TLN2: variants seen among roughly 807,000 people sequenced by gnomAD.
TLN2 encodes the protein talin-2.
TLN2 carries 118 observed loss-of-function variants against 294.7 expected under a neutral mutation model. The observed-to-expected ratio is 0.40, with a 90% CI of 0.34 to 0.47. The LOEUF (loss-of-function observed/expected upper bound fraction) is 0.47, where lower values mean the gene tolerates loss of function less well. Ranked by LOEUF, TLN2 falls within the 20% of genes least tolerant of loss-of-function variation. TLN2 has a pLI of 0.84. For missense variants in TLN2, 3,083 were observed against 3,282.2 expected (o/e 0.94, Z 1.48); for synonymous variants, 1,431 against 1,304.5 (o/e 1.10, Z -2.09).
chr15:62,487,270 C>T (rs1022221597), intron 1 of TLN2, among the ~76,000 whole-genome samples: 1 of 152,186 alleles, frequency 6.6e-6, no homozygotes, highest in African/African-American at 2.4e-5. Flanking sequence ...CCAGGCTAGT[C>T]AGACCTGCCC....
At chr15:62,457,525 C>G (rs2036553321) in intron 1 of TLN2, among the ~76,000 whole-genome samples, 1 of 152,142 alleles carries the variant, frequency 6.6e-6, no homozygotes, top group Non-Finnish European at 1.5e-5. Flanking sequence ...GAATTGGGCC[C>G]CGTCTTCCTT....
chr15:62,531,333 C>T (rs1422384572), intron 1 of TLN2, among the ~76,000 whole-genome samples: 1 of 152,164 alleles, frequency 6.6e-6, no homozygotes, highest in Non-Finnish European at 1.5e-5. Context: ...AAAACAAGTA[C>T]CATGTGTTCT....
At chr15:62,412,072 A>C (rs1193550704) in intron 1 of TLN2, among the ~76,000 whole-genome samples, 4 of 151,950 alleles carry the variant, frequency 2.6e-5, no homozygotes, top group Non-Finnish European at 5.9e-5. Flanking sequence ...GGGTTAGATC[A>C]TAAGTCTCTT....
At chr15:62,477,938 G>A (rs1213734068) in intron 1 of TLN2, among the ~76,000 whole-genome samples, 2 of 151,712 alleles carry the variant, frequency 1.3e-5, no homozygotes, top group South Asian at 2.1e-4. Context: ...GGAGCGGGGC[G>A]TTGCAGGCTC....
chr15:62,753,922 T>A lies in TLN2; in HGVS notation c.4476+6T>A, dbSNP rs756854742. On this transcript the variant is annotated splice_donor_region_variant and intron_variant, in intron 36 of 58. Transcript: ENST00000636159. Reference sequence around the variant, plus strand: ...CTGGCAGCAGCCCATCACAGGTAACTGTTGGGGAGGATGTAAGATTTCAAG... The same window carrying A: ...CTGGCAGCAGCCCATCACAGGTAACAGTTGGGGAGGATGTAAGATTTCAAG... 2.5e-5 allele frequency: 40 copies of A among 1,582,146 alleles called. No homozygotes were observed. The Admixed American group carries it at 7.3e-4, about 29-fold the overall frequency.
At chr15:62,676,904 C>T (rs903989124) in intron 11 of TLN2, among the ~76,000 whole-genome samples, 42 of 152,162 alleles carry the variant, frequency 2.8e-4, no homozygotes, top group Non-Finnish European at 2.2e-4. Context: ...CGTGAGCCAC[C>T]GCACCCTATC....
intron 41 of TLN2, among the ~76,000 whole-genome samples, chr15:62,767,151 T>C (rs2063058782): frequency 6.6e-6 from 1 of 152,212 alleles, no homozygotes; most frequent in South Asian, 2.1e-4. Flanking sequence ...AGCCAAAATC[T>C]TCTTGGCAGG....
intron 1 of TLN2, among the ~76,000 whole-genome samples, chr15:62,578,343 C>G (rs1184906559): frequency 2.0e-5 from 3 of 152,000 alleles, no homozygotes; most frequent in Non-Finnish European, 2.9e-5. Context: ...GAGGTGGGCA[C>G]ATCACCTGAG....
chr15:62,639,955 T>C (rs1475157458), intron 3 of TLN2, among the ~76,000 whole-genome samples: 1 of 152,214 alleles, frequency 6.6e-6, no homozygotes, highest in Non-Finnish European at 1.5e-5. Flanking sequence ...AGTGAAGGCA[T>C]GACTTGACTT....
chr15:62,841,371 C>T lies in TLN2; in HGVS notation c.*761C>T, dbSNP rs2070681015. 2 of 152,252 alleles carry T rather than the reference C, an allele frequency of 1.3e-5. No individual in the cohort carries two copies. The highest frequency in any genetic ancestry group is 1.3e-4 in the Admixed American group (2 of 15,282). 9.4% of individuals were successfully genotyped at this position (152,252 alleles called of 1,614,324 possible). ...TTACCCTGCAGAGGCTGTTTCAGCT[C>T]ACACAGAGTCATCCACACAAACCCA... On this transcript the variant is annotated 3_prime_UTR_variant, in exon 59 of 59. Transcript: ENST00000636159.
In TLN2 at chr15:62,782,105, G is replaced by A. The variant is rs1025183591; in HGVS notation, c.5616+864G>A. ...GTTGAGAAATCAATGGGCCTTCCTC[G>A]CTGAAGTGACCAGAATGAGCCACCA... On this transcript the variant is annotated intron_variant, in intron 44 of 58. Transcript: ENST00000636159. Among the ~76,000 whole-genome samples the A allele has an allele frequency of 3.3e-5, 5 of 152,164 alleles. No individual in the cohort carries two copies. In the East Asian group the frequency reaches 5.8e-4, roughly 18 times the overall value.
At chr15:62,617,665 A>G (rs4321139) in intron 2 of TLN2, among the ~76,000 whole-genome samples, 54,367 of 151,956 alleles carry the variant, frequency 0.36, 10,017 homozygotes, top group East Asian at 0.57. Context: ...AGGTGCCGTG[A>G]CAGCATCTGT....
intron 1 of TLN2, among the ~76,000 whole-genome samples, chr15:62,523,211 A>G (rs1016076497): frequency 6.6e-6 from 1 of 152,258 alleles, no homozygotes; most frequent in Non-Finnish European, 1.5e-5. Flanking sequence ...GATAAATTCC[A>G]GAGAGAATGA....
At chr15:62,715,476 T>C (rs912256008) in intron 22 of TLN2, among the ~76,000 whole-genome samples, 2 of 152,256 alleles carry the variant, frequency 1.3e-5, no homozygotes, top group African/African-American at 2.4e-5. Context: ...CTGGATGTGC[T>C]GTGAGCATGT....
intron 1 of TLN2, among the ~76,000 whole-genome samples, chr15:62,427,439 T>C (rs1380931864): frequency 6.6e-6 from 1 of 152,138 alleles, no homozygotes; most frequent in Non-Finnish European, 1.5e-5. Flanking sequence ...GCTGAGTGAC[T>C]TGGAGTGAGC....
intron 2 of TLN2, among the ~76,000 whole-genome samples, chr15:62,595,391 G>A (rs1004902212): frequency 7.1e-6 from 1 of 141,598 alleles, no homozygotes; most frequent in Admixed American, 7.6e-5. Context: ...TTGCACTCCA[G>A]CCTGGGTGCA....
intron 8 of TLN2, among the ~76,000 whole-genome samples, 172 bp downstream of exon 8, chr15:62,656,258 T>C (rs954411956): frequency 2.0e-5 from 3 of 152,302 alleles, no homozygotes; most frequent in South Asian, 2.1e-4. Flanking sequence ...CAGGTTGATA[T>C]TCTGGATGAG....
intron 2 of TLN2, among the ~76,000 whole-genome samples, chr15:62,613,389 T>C (rs548624567): frequency 2.9e-4 from 44 of 152,316 alleles, no homozygotes; most frequent in African/African-American, 9.6e-4. Context: ...GTACTTAGTA[T>C]ATGTTGCATA....
chr15:62,756,160 T>G (rs2062236719), intron 37 of TLN2, among the ~76,000 whole-genome samples: 1 of 152,342 alleles, frequency 6.6e-6, no homozygotes, highest in Admixed American at 6.5e-5. Context: ...GAAAAATCAC[T>G]TAAAACATTT....
Sources: allele counts gnomAD v4.1 joint callset (sites outside exome capture counted in the v4.1 genomes callset), GRCh38; gene constraint gnomAD v4.1.1; transcripts MANE v1.5; gene names NCBI Gene and HGNC (gene_info 2026-07-23, HGNC 2026-07-21).